The following NRXN3 variants were observed in gnomAD, a reference collection of about 807,000 sequenced individuals.
The protein encoded by NRXN3 is neurexin III.
A neutral mutation model predicts 137.6 loss-of-function variants in NRXN3; 32 were observed. The observed-to-expected ratio is 0.23, with a 90% CI of 0.18 to 0.31. NRXN3 has a LOEUF of 0.31. Ranked by LOEUF, NRXN3 falls within the 10% of genes least tolerant of loss-of-function variation. The pLI is 1.00. For synonymous variants in NRXN3, 798 were observed against 784.5 expected (o/e 1.02, Z -0.29); for missense variants, 1,574 against 2,062.5 (o/e 0.76, Z 4.59).
At chr14:79,242,550 G>T (rs1324869367) in intron 15 of NRXN3, among the ~76,000 whole-genome samples, 1 of 152,158 alleles carries the variant, frequency 6.6e-6, no homozygotes, top group Non-Finnish European at 1.5e-5. Context: ...TGGACCTAAA[G>T]CTGCAGTGAG....
intron 2 of NRXN3, among the ~76,000 whole-genome samples, chr14:78,247,348 G>C (rs557166486): frequency 6.6e-6 from 1 of 152,218 alleles, no homozygotes; most frequent in African/African-American, 2.4e-5. Flanking sequence ...ATGGGTATGA[G>C]GTAATAGACA....
chr14:78,831,131 A>G (rs1018421655), intron 10 of NRXN3, among the ~76,000 whole-genome samples: 1 of 152,116 alleles, frequency 6.6e-6, no homozygotes. Flanking sequence ...ATTTTTCACT[A>G]AACTATTTAT....
intron 10 of NRXN3, among the ~76,000 whole-genome samples, chr14:78,869,653 A>G (rs766469893): frequency 7.9e-5 from 12 of 152,140 alleles, no homozygotes; most frequent in Non-Finnish European, 1.0e-4. Context: ...CCAACAGGGT[A>G]AGTTCTGCAC....
chr14:78,674,346 C>G (rs548708133), intron 6 of NRXN3, among the ~76,000 whole-genome samples: 64 of 152,266 alleles, frequency 4.2e-4, no homozygotes, highest in Middle Eastern at 3.4e-3. Context: ...TAATGGGGGA[C>G]CTTTCTGAAG....
intron 16 of NRXN3, among the ~76,000 whole-genome samples, chr14:79,508,470 A>G (rs1483528160): frequency 7.3e-6 from 1 of 136,920 alleles, no homozygotes; most frequent in African/African-American, 2.7e-5. Context: ...GCTCACTGCA[A>G]CCTTCATCTC....
At chr14:79,801,034 A>G (rs896395766) in intron 19 of NRXN3, among the ~76,000 whole-genome samples, 3 of 152,208 alleles carry the variant, frequency 2.0e-5, no homozygotes, top group Non-Finnish European at 2.9e-5. Flanking sequence ...GTTCTGTGGC[A>G]GGTGTGGCCA....
intron 15 of NRXN3, among the ~76,000 whole-genome samples, chr14:79,348,448 C>T (rs1244984603): frequency 2.0e-5 from 3 of 150,498 alleles, no homozygotes; most frequent in African/African-American, 4.9e-5. Context: ...CGATCTCTGC[C>T]CACTGCAAGC....
rs1555418551 is a variant in NRXN3, at chr14:78,235,002, A to ATATATATATGTG, written c.-703-7380_-703-7379insGTGTATATATAT. Among the ~76,000 whole-genome samples, 12 of 47,448 alleles carry ATATATATATGTG rather than the reference A, an allele frequency of 2.5e-4. 1 individual carries two copies. The highest frequency in any genetic ancestry group is 4.6e-4 in the Non-Finnish European group (12 of 26,302). The allele number at this position is 47,448 out of a possible 152,430, so 31.1% of individuals were successfully genotyped here. A position where few individuals can be genotyped will look rare whatever the true frequency, so the allele number is the denominator to read the frequency against. On this transcript the variant is annotated intron_variant, in intron 1 of 20. Transcript: ENST00000335750. Reference sequence around the variant, plus strand: ...GGCAGCCACAAATGCTTTTATATATATATATATATATATATATATATGTGT... The same window carrying ATATATATATGTG: ...GGCAGCCACAAATGCTTTTATATATATATATATATGTGTATATATATATATATATATATGTGT...
intron 4 of NRXN3, among the ~76,000 whole-genome samples, chr14:78,306,866 C>T (rs2077421158): frequency 1.3e-5 from 2 of 152,122 alleles, no homozygotes; most frequent in South Asian, 2.1e-4. Flanking sequence ...TAGACCCAGC[C>T]CTCTGACACC....
At chr14:78,461,588 AT>A (rs1376495915) in intron 4 of NRXN3, among the ~76,000 whole-genome samples, 1 of 152,172 alleles carries the variant, frequency 6.6e-6, no homozygotes, top group Non-Finnish European at 1.5e-5. Flanking sequence ...CTGGGGGACC[AT>A]TTTTAGTGTC....
intron 16 of NRXN3, among the ~76,000 whole-genome samples, chr14:79,580,429 G>T (rs950591387): frequency 7.1e-6 from 1 of 141,776 alleles, no homozygotes; most frequent in African/African-American, 3.0e-5. Context: ...TAGCACAAAA[G>T]ATTATGTTTT....
chr14:78,387,454 C>T (rs544633174), intron 4 of NRXN3, among the ~76,000 whole-genome samples: 61 of 152,234 alleles, frequency 4.0e-4, no homozygotes, highest in African/African-American at 1.4e-3. Flanking sequence ...TGTTTTTCTC[C>T]TTTCCATAAA....
intron 15 of NRXN3, among the ~76,000 whole-genome samples, chr14:79,284,351 T>TATAC: frequency 9.7e-6 from 1 of 103,252 alleles, no homozygotes; most frequent in African/African-American, 4.8e-5. Flanking sequence ...TACATATATA[T>TATAC]ATATATATAT....
chr14:79,197,606 T>A (rs981670234), intron 15 of NRXN3, among the ~76,000 whole-genome samples: 1 of 152,094 alleles, frequency 6.6e-6, no homozygotes, highest in African/African-American at 2.4e-5. Context: ...GATGTTTGAA[T>A]GAACTCTAAT....
chr14:79,537,411 A>T (rs999868835), intron 16 of NRXN3, among the ~76,000 whole-genome samples: 2 of 152,030 alleles, frequency 1.3e-5, no homozygotes, highest in African/African-American at 4.8e-5. Flanking sequence ...ATTTAACATT[A>T]GGTATATCTC....
intron 19 of NRXN3, among the ~76,000 whole-genome samples, 198 bp downstream of exon 19, chr14:79,698,135 TG>T (rs2098741925): frequency 6.6e-6 from 1 of 152,016 alleles, no homozygotes; most frequent in East Asian, 1.9e-4. Flanking sequence ...GTGGCACTCC[TG>T]GGTTGTTATT....
intron 15 of NRXN3, among the ~76,000 whole-genome samples, chr14:79,210,705 A>G (rs2067520187): frequency 6.6e-6 from 1 of 152,166 alleles, no homozygotes. Flanking sequence ...ACTTCTGCAT[A>G]TTTGCTATTG....
rs900822813 is a variant in NRXN3 at position 78,207,400 on chromosome 14, C to A, written c.-703-34991C>A. 2.0e-5 allele frequency among the ~76,000 whole-genome samples: 3 copies of A among 152,128 alleles called. No homozygotes were observed. The East Asian group carries it at 5.8e-4, about 29-fold the overall frequency. ...ACTACTGTTCAAGGGTGGATGACTC[C>A]CCAGTTGATACCTCTAGCCTTGAAC... On this transcript the variant is annotated intron_variant, in intron 1 of 20. Transcript: ENST00000335750.
At chr14:78,833,285 C>G (rs995159274) in intron 10 of NRXN3, among the ~76,000 whole-genome samples, 12 of 152,154 alleles carry the variant, frequency 7.9e-5, no homozygotes, top group African/African-American at 2.9e-4. Flanking sequence ...CCTCTTCCTT[C>G]AGGAACCCTT....
Sources: allele counts gnomAD v4.1 joint callset (sites outside exome capture counted in the v4.1 genomes callset), GRCh38; gene constraint gnomAD v4.1.1; transcripts MANE v1.5; gene names NCBI Gene and HGNC (gene_info 2026-07-23, HGNC 2026-07-21).